The following ADAT2 variants were observed in gnomAD, a reference collection of about 807,000 sequenced individuals.
The protein encoded by ADAT2 is tRNA-specific adenosine-34 deaminase catalytic subunit ADAT2.
In ADAT2, 26 loss-of-function variants were observed where a neutral mutation model predicts 25.9. The observed-to-expected ratio is 1.00, with a 90% CI of 0.74 to 1.39. The LOEUF (loss-of-function observed/expected upper bound fraction) is 1.39. ADAT2 is among the 40% of genes most tolerant of loss of function. The probability of loss-of-function intolerance (pLI) is 0.00; values close to 1 mark genes in which losing one functional copy is unlikely to be tolerated. For missense variants in ADAT2, 220 were observed against 244.8 expected, an observed-to-expected ratio of 0.90 and a Z score of 0.68; for synonymous variants, 76 against 86.8, an observed-to-expected ratio of 0.88 and a Z score of 0.69.
At position 143,437,118 on chromosome 6, in the gene ADAT2, T is replaced by C. The variant is rs1404694143; in HGVS notation, c.201+1472A>G. ...TATTAACTACAGATTTTCTATGCAG[T>C]GAACATGGTTATATATAAATCTGAA... On this transcript the variant is annotated intron_variant, in intron 2 of 5. Transcript: ENST00000237283. This position sits in a 1 kb window ranked among gnomAD's most constrained non-coding sequence, Gnocchi z 4.1. Among the ~76,000 whole-genome samples the C allele has an allele frequency of 6.6e-6, 1 of 152,216 alleles. No homozygotes were observed. Among genetic ancestry groups the C allele is most frequent in the Non-Finnish European group, 1.5e-5 (1 of 68,030 alleles).
At chr6:143,443,560 G>A (rs1358756163) in intron 1 of ADAT2, among the ~76,000 whole-genome samples, 1 of 152,188 alleles carries the variant, frequency 6.6e-6, no homozygotes, top group African/African-American at 2.4e-5. Flanking sequence ...GCTGAGCACA[G>A]TGGCCCATGC....
rs1779144437 is a variant in ADAT2 at position 143,432,502 on chromosome 6, T to C, written c.459+3A>G. ...AAGAAAAAGCATAAGCAGTTTGTAT[T>C]ACCTGAAATGGTCTCCCAGTGTTTG... On this transcript the variant is annotated splice_donor_region_variant and intron_variant, in intron 4 of 5. Transcript: ENST00000237283. This position sits in a 1 kb window ranked among gnomAD's most constrained non-coding sequence, Gnocchi z 4.4. The C allele has an allele frequency of 1.2e-6, 2 of 1,612,606 alleles. No individual in the cohort carries two copies. The highest frequency in any genetic ancestry group is 1.7e-6 in the Non-Finnish European group (2 of 1,178,564).
rs35250658 is a variant in ADAT2 at position 143,439,346 on chromosome 6, C to CAAAAAAA, written c.97-659_97-653dup. On this transcript the variant is annotated intron_variant, in intron 1 of 5. Coordinates refer to ENST00000237283, the MANE Select transcript of ADAT2 (RefSeq NM_182503.3). ...TTTAAAAGAAGGGAATATGTGTCTA[C>CAAAAAAA]AAAAAAAAAAAAAAAAAGAAGAAGA... is the stretch of plus-strand genomic sequence containing the variant. Among the ~76,000 whole-genome samples the CAAAAAAA allele has an allele frequency of 7.1e-4, 79 of 111,494 alleles. 2 individuals are homozygous for CAAAAAAA. Among genetic ancestry groups the CAAAAAAA allele is most frequent in the African/African-American group, 1.7e-3 (51 of 29,896 alleles). 73.1% of individuals were successfully genotyped at this position (111,494 alleles called of 152,430 possible).
chr6:143,429,037 G>A (rs535109897), intron 4 of ADAT2, among the ~76,000 whole-genome samples: 15 of 152,286 alleles, frequency 9.8e-5, no homozygotes, highest in Non-Finnish European at 1.8e-4. Context: ...GATTTTGTGA[G>A]GATTAAGTGA....
intron 1 of ADAT2, among the ~76,000 whole-genome samples, chr6:143,443,245 A>G (rs1284796888): frequency 6.6e-6 from 1 of 152,066 alleles, no homozygotes; most frequent in African/African-American, 2.4e-5. Flanking sequence ...CATTTGTTCA[A>G]CAAACATTTG....
Position 143,432,424 on chromosome 6 carries a change from G to C in ADAT2, c.459+81C>G, listed in dbSNP as rs1321418748. On this transcript the variant is annotated intron_variant, in intron 4 of 5. Coordinates refer to ENST00000237283, the MANE Select transcript of ADAT2 (RefSeq NM_182503.3). This position sits in a 1 kb window ranked among gnomAD's most constrained non-coding sequence, Gnocchi z 4.4. Reference sequence around the variant, plus strand: ...TCTATCATCGTTTCTTCGTATACTGGCCACACACTAGTTATTCACAAGCCC... The same window carrying C: ...TCTATCATCGTTTCTTCGTATACTGCCCACACACTAGTTATTCACAAGCCC... 7.9e-7 allele frequency: 1 copy of C among 1,267,468 alleles called. No homozygotes were observed. Among genetic ancestry groups the C allele is most frequent in the Non-Finnish European group, 1.1e-6 (1 of 873,876 alleles). 78.5% of individuals were successfully genotyped at this position (1,267,468 alleles called of 1,614,324 possible).
At chr6:143,438,913 G>A (rs1228275917) in intron 1 of ADAT2, among the ~76,000 whole-genome samples, 1 of 152,100 alleles carries the variant, frequency 6.6e-6, no homozygotes, top group Non-Finnish European at 1.5e-5. Flanking sequence ...CCCCTTGATA[G>A]GTCCAGAGCC....
At position 143,432,522 on chromosome 6, in the gene ADAT2, T is replaced by C. The variant is rs1203187407; in HGVS notation, c.442A>G (p.Thr148Ala). 5 of 1,614,144 alleles carry C rather than the reference T, an allele frequency of 3.1e-6. No individual in the cohort carries two copies. The highest frequency in any genetic ancestry group is 4.2e-6 in the Non-Finnish European group (5 of 1,179,988). ...TGTATTACCTGAAATGGTCTCCCAG[T>C]GTTTGGTAGGTCAGCAGAGGCAATA... The part of the protein sequence containing the change: ...LNIASADLPN[T>A]GRPFQCIPGY... The change falls in exon 4 of 6, where the codon ACT (threonine) becomes GCT (alanine). Residue 148 changes from threonine to alanine, a missense_variant. By Grantham distance (58) the Thr-to-Ala change is moderately conservative. Transcript: ENST00000237283. This position sits in a 1 kb window ranked among gnomAD's most constrained non-coding sequence, Gnocchi z 4.4.
In ADAT2 at chr6:143,427,206, A is replaced by G. The variant is rs1409415708; in HGVS notation, c.*1257T>C. On this transcript the variant is annotated 3_prime_UTR_variant, in exon 6 of 6. Transcript: ENST00000237283. ...CTGCTACTCTCAGCAATATAAAAAT[A>G]CTTTCACCACAATTACATTCCAGCC... is the stretch of plus-strand genomic sequence containing the variant. The G allele has an allele frequency of 1.3e-5, 2 of 152,590 alleles. No homozygotes were observed. Among genetic ancestry groups the G allele is most frequent in the African/African-American group, 2.4e-5 (1 of 41,438 alleles). The allele number at this position is 152,590 out of a possible 1,614,324, so 9.5% of individuals were successfully genotyped here.
At chr6:143,441,566 G>A (rs1410920472) in intron 1 of ADAT2, 1 of 152,104 alleles carries the variant, frequency 6.6e-6, no homozygotes, top group East Asian at 1.9e-4. Context: ...AAAGAAAGGA[G>A]GGGATGGTAT....
intron 2 of ADAT2, 73 bp downstream of exon 2, chr6:143,438,517 C>A: frequency 8.2e-7 from 1 of 1,221,766 alleles, no homozygotes; most frequent in Admixed American, 1.8e-5. Context: ...ACCTTCACAC[C>A]AACTGTGGTA....
rs146423476 is a variant in ADAT2 at position 143,423,803 on chromosome 6, T to G, written c.*4660A>C. The G allele has an allele frequency of 1.3e-5, 2 of 152,182 alleles. No homozygotes were observed. Among genetic ancestry groups the G allele is most frequent in the African/African-American group, 4.8e-5 (2 of 41,452 alleles). The allele number at this position is 152,182 out of a possible 1,614,324, so 9.4% of individuals were successfully genotyped here. A position where few individuals can be genotyped will look rare whatever the true frequency, so the allele number is the denominator to read the frequency against. ...CAAAAGTAGGGGATGAGAAATTTCA[T>G]AGATATTGGGGATGTGGGATTCTCT... On this transcript the variant is annotated 3_prime_UTR_variant, in exon 6 of 6. Transcript: ENST00000237283.
rs1052238285 is a variant in ADAT2, at chr6:143,444,127, G to A, written c.97-5433C>T. Among the ~76,000 whole-genome samples, 1 of 151,976 alleles carries A rather than the reference G, an allele frequency of 6.6e-6. No individual in the cohort carries two copies. Among genetic ancestry groups the A allele is most frequent in the African/African-American group, 2.4e-5 (1 of 41,364 alleles). On this transcript the variant is annotated intron_variant, in intron 1 of 5. Transcript: ENST00000237283. This position sits in a 1 kb window ranked among gnomAD's most constrained non-coding sequence, Gnocchi z 4.3. ...TTCCTTTGGATTTTTCTCTTTTTCC[G>A]TCTAGCAAATTTATTTCATTTCACT...
Position 143,439,557 on chromosome 6 carries a change from T to C in ADAT2, c.97-863A>G, listed in dbSNP as rs566591680. 8.4e-4 allele frequency among the ~76,000 whole-genome samples: 128 copies of C among 152,248 alleles called. 1 individual carries two copies. Among genetic ancestry groups the C allele is most frequent in the Non-Finnish European group, 1.9e-4 (13 of 68,012 alleles). ...ACAACATGGATGAGCCTCATAGACA[T>C]GCTAAGTAAAGGAAGTCACACACAA... On this transcript the variant is annotated intron_variant, in intron 1 of 5. Transcript: ENST00000237283.
At position 143,444,063 on chromosome 6, in the gene ADAT2, C is replaced by T. The variant is rs930876517; in HGVS notation, c.97-5369G>A. Among the ~76,000 whole-genome samples the T allele has an allele frequency of 6.6e-6, 1 of 151,970 alleles. No individual in the cohort carries two copies. ...CTGTCTTGTTCACCTGGAGATAGCA[C>T]CCACGCCACCATGTTACTGGGTTTG... On this transcript the variant is annotated intron_variant, in intron 1 of 5. Coordinates refer to ENST00000237283, the MANE Select transcript of ADAT2 (RefSeq NM_182503.3). The surrounding 1 kb of genome is among the most constrained non-coding windows in gnomAD (Gnocchi z 4.3).
chr6:143,446,919 AAC>A lies in ADAT2; in HGVS notation c.96+3642_96+3643del, dbSNP rs1160763530. 6.6e-6 allele frequency among the ~76,000 whole-genome samples: 1 copy of A among 152,222 alleles called. No individual in the cohort carries two copies. Among genetic ancestry groups the A allele is most frequent in the African/African-American group, 2.4e-5 (1 of 41,458 alleles). On this transcript the variant is annotated intron_variant, in intron 1 of 5. Transcript: ENST00000237283. This position sits in a 1 kb window ranked among gnomAD's most constrained non-coding sequence, Gnocchi z 5.0. ...AGTATCTGGAACACACCAAGAGTGC[AAC>A]ACTATTACTTAGTCATACTTCTTTT...
rs1779592780 is a variant in ADAT2 at position 143,446,137 on chromosome 6, G to T, written c.96+4426C>A. Among the ~76,000 whole-genome samples, 2 of 148,380 alleles carry T rather than the reference G, an allele frequency of 1.3e-5. No individual in the cohort carries two copies. Among genetic ancestry groups the T allele is most frequent in the Non-Finnish European group, 3.0e-5 (2 of 67,472 alleles). On this transcript the variant is annotated intron_variant, in intron 1 of 5. Coordinates refer to ENST00000237283, the MANE Select transcript of ADAT2 (RefSeq NM_182503.3). This position sits in a 1 kb window ranked among gnomAD's most constrained non-coding sequence, Gnocchi z 5.0. The stretch of plus-strand genomic sequence containing the variant: ...CCCAAAATATAATCCCTGTTATTCT[G>T]AAGCAACGGGGGTTTTTTCTGTTTT...
At chr6:143,445,029 T>C (rs1779561843) in intron 1 of ADAT2, 1 of 1,125,550 alleles carries the variant, frequency 8.9e-7, no homozygotes, top group African/African-American at 1.6e-5. Context: ...AGGTAGAACA[T>C]CATCCTGTCC....
chr6:143,428,689 T>C lies in ADAT2; in HGVS notation c.460-5A>G. 1.2e-6 allele frequency: 2 copies of C among 1,613,772 alleles called. No individual in the cohort carries two copies. Among genetic ancestry groups the C allele is most frequent in the Non-Finnish European group, 1.7e-6 (2 of 1,179,860 alleles). ...AGCCCGATATCCAGGGATACACTGA[T>C]GGAATGAGAAAGTTGAGAATAAACA... On this transcript the variant is annotated splice_polypyrimidine_tract_variant and splice_region_variant and intron_variant, in intron 4 of 5. Coordinates refer to ENST00000237283, the MANE Select transcript of ADAT2 (RefSeq NM_182503.3). The surrounding 1 kb of genome is among the most constrained non-coding windows in gnomAD (Gnocchi z 5.0).
Sources: gnomAD v4.1 joint callset for allele counts (sites outside exome capture counted in the v4.1 genomes callset) on GRCh38, gnomAD v4.1.1 for gene constraint, Gnocchi (gnomAD v3.1) non-coding constraint, MANE v1.5 for transcripts, NCBI Gene and HGNC (gene_info 2026-07-23, HGNC 2026-07-21) for gene names.